Variants in YJU2B observed in about 807,000 individuals in gnomAD.
YJU2B encodes the protein YJU2 splicing factor homolog B, also known as probable splicing factor YJU2B.
In YJU2B, 18 loss-of-function variants were observed where a neutral mutation model predicts 38.0. That is an observed-to-expected ratio of 0.47 (90% CI 0.33 to 0.70). The LOEUF (loss-of-function observed/expected upper bound fraction) is 0.70, where lower values mean the gene tolerates loss of function less well. Among genes scored for constraint, YJU2B ranks in the 30% least tolerant of loss-of-function variants. The pLI is 0.02. For missense variants in YJU2B, 538 were observed against 556.3 expected (o/e 0.97, Z 0.33); for synonymous variants, 246 against 225.4 (o/e 1.09, Z -0.82).
chr19:13,748,125 C>T (rs942133601), intron 1 of YJU2B, among the ~76,000 whole-genome samples, 171 bp downstream of exon 1: 1 of 152,160 alleles, frequency 6.6e-6, no homozygotes, highest in African/African-American at 2.4e-5. Flanking sequence ...GTCCCTGAGG[C>T]CCCAGCTGAG....
intron 2 of YJU2B, among the ~76,000 whole-genome samples, chr19:13,735,040 G>A (rs1317445648): frequency 6.6e-6 from 1 of 152,194 alleles, no homozygotes; most frequent in African/African-American, 2.4e-5. Flanking sequence ...ATCTTAGCAG[G>A]GCACAGCGGC....
upstream of YJU2B, among the ~76,000 whole-genome samples, chr19:13,745,482 G>A (rs113556838): frequency 3.9e-3 from 598 of 152,012 alleles, 6 homozygotes; most frequent in African/African-American, 0.014. Flanking sequence ...GGCCAACGTG[G>A]AGAAACCCCG....
Position 13,751,708 on chromosome 19 carries a change from C to T in YJU2B, c.-101C>T. On this transcript the variant is annotated 5_prime_UTR_variant, in exon 2 of 10. Transcript: ENST00000221554. ...ATCTTCGCAGGGAAGCCTGTGGACCCTCTGCCAGGCTCCACAAGAGGTCAG... is the reference window on the plus strand; with the variant it reads ...ATCTTCGCAGGGAAGCCTGTGGACCTTCTGCCAGGCTCCACAAGAGGTCAG... 1 of 1,310,860 alleles carries T rather than the reference C, an allele frequency of 7.6e-7. No homozygotes were observed. The highest frequency in any genetic ancestry group is 1.2e-5 in the South Asian group (1 of 83,816). 81.2% of individuals were successfully genotyped at this position (1,310,860 alleles called of 1,614,324 possible). A position where few individuals can be genotyped will look rare whatever the true frequency, so the allele number is the denominator to read the frequency against.
At chr19:13,738,981 T>G (rs965647622) in intron 2 of YJU2B, among the ~76,000 whole-genome samples, 5 of 151,056 alleles carry the variant, frequency 3.3e-5, no homozygotes, top group African/African-American at 9.8e-5. Context: ...GGAGAATTGG[T>G]TGAACCCGGG....
At chr19:13,746,329 T>C (rs1973250102), upstream of YJU2B, among the ~76,000 whole-genome samples, 1 of 152,130 alleles carries the variant, frequency 6.6e-6, no homozygotes, top group Non-Finnish European at 1.5e-5. Flanking sequence ...CTAAGAGAAG[T>C]ATCCACCCAC....
chr19:13,751,802 T>G lies in YJU2B; in HGVS notation c.-7T>G, dbSNP rs2145133311. ...CCGAGGCTGAGGACCAGTAGGCAGCTCCCAAGATGGTGAGTAGACAGCCTC... is the reference window on the plus strand; with the variant it reads ...CCGAGGCTGAGGACCAGTAGGCAGCGCCCAAGATGGTGAGTAGACAGCCTC... On this transcript the variant is annotated 5_prime_UTR_variant, in exon 2 of 10. Transcript: ENST00000221554. 6.2e-7 allele frequency: 1 copy of G among 1,614,124 alleles called. No homozygotes were observed. Among genetic ancestry groups the G allele is most frequent in the South Asian group, 1.1e-5 (1 of 91,084 alleles).
chr19:13,744,885 C>T (rs551665732), upstream of YJU2B, among the ~76,000 whole-genome samples: 885 of 151,616 alleles, frequency 5.8e-3, 6 homozygotes, highest in Middle Eastern at 0.045. Context: ...CCCAGTTACT[C>T]GGGAGGCTGA....
chr19:13,757,529 T>C, intron 5 of YJU2B, 56 bp downstream of exon 5: 1 of 1,249,154 alleles, frequency 8.0e-7, no homozygotes, highest in Non-Finnish European at 1.2e-6. Flanking sequence ...CCCTAACTGC[T>C]GGATGCCGCC....
At chr19:13,736,420 G>C (rs146715389) in intron 2 of YJU2B, among the ~76,000 whole-genome samples, 3 of 151,464 alleles carry the variant, frequency 2.0e-5, no homozygotes, top group African/African-American at 7.3e-5. Flanking sequence ...CACTAAGCCC[G>C]GCTAATTTTT....
chr19:13,762,266 C>T lies in YJU2B; in HGVS notation c.574-33C>T, dbSNP rs745638873. ...ACAGAAGAGACAGGGCTTTGACACC[C>T]CCTATCTCTGGTGTTCTTGGCCCTC... On this transcript the variant is annotated intron_variant, in intron 8 of 9. Coordinates refer to ENST00000221554, the MANE Select transcript of YJU2B (RefSeq NM_030818.4). 9 of 1,609,742 alleles carry T rather than the reference C, an allele frequency of 5.6e-6. 1 individual carries two copies. In the South Asian group the frequency reaches 7.7e-5, roughly 14 times the overall value.
intron 2 of YJU2B, among the ~76,000 whole-genome samples, chr19:13,735,671 A>T (rs1355358635): frequency 1.3e-5 from 2 of 152,140 alleles, no homozygotes; most frequent in African/African-American, 4.8e-5. Context: ...TGGTTAACAC[A>T]GCAGTGGCAG....
intron 5 of YJU2B, 32 bp from the exon 6 acceptor site, chr19:13,757,753 TG>T (rs1435337163): frequency 4.3e-6 from 7 of 1,611,040 alleles, no homozygotes; most frequent in Non-Finnish European, 5.9e-6. Context: ...CAGATGGCAA[TG>T]AAATTACCAC....
chr19:13,759,396 C>A, intron 8 of YJU2B, 124 bp downstream of exon 8: 1 of 712,054 alleles, frequency 1.4e-6, no homozygotes, highest in Non-Finnish European at 2.3e-6. Context: ...TCAGTTTCCC[C>A]ATCTGCTACA....
upstream of YJU2B, among the ~76,000 whole-genome samples, chr19:13,745,698 T>TAGAG (rs368183752): frequency 3.2e-5 from 4 of 126,896 alleles, no homozygotes; most frequent in African/African-American, 1.2e-4. Flanking sequence ...TAGATATAGA[T>TAGAG]ATATAGATAT....
chr19:13,747,784 C>T (rs410359), upstream of YJU2B: 92,082 of 152,282 alleles, frequency 0.6, 28,064 homozygotes, highest in Middle Eastern at 0.72. Flanking sequence ...TTGGCCCACT[C>T]CGGCGTCGCA....
rs1380490664 is a variant in YJU2B at position 13,753,229 on chromosome 19, GGT to G, written c.4-1059_4-1058del. ...CCTGCCCCCTGAGGCTGCACAAGTAGGTTTCCTGGAGGGAGCCTGTGTATTAG... is the reference window on the plus strand; with the variant it reads ...CCTGCCCCCTGAGGCTGCACAAGTAGTTCCTGGAGGGAGCCTGTGTATTAG... On this transcript the variant is annotated intron_variant, in intron 2 of 9. Transcript: ENST00000221554. Among the ~76,000 whole-genome samples, 3 of 152,184 alleles carry G rather than the reference GGT, an allele frequency of 2.0e-5. No individual in the cohort carries two copies. In the East Asian group the frequency reaches 5.8e-4, roughly 29 times the overall value.
intron 3 of YJU2B, among the ~76,000 whole-genome samples, chr19:13,755,964 A>C (rs75360490): frequency 0.068 from 10,314 of 152,158 alleles, 1,156 homozygotes; most frequent in African/African-American, 0.24. Flanking sequence ...ATCTCAAAAA[A>C]TAAATAAATA....
chr19:13,742,194 ATCAT>A (rs1478034604), intron 2 of YJU2B, among the ~76,000 whole-genome samples: 7 of 151,546 alleles, frequency 4.6e-5, no homozygotes, highest in Non-Finnish European at 8.8e-5. Context: ...TCCCCTGAAC[ATCAT>A]TCATTTCCCC....
chr19:13,737,483 G>A (rs1334561307), intron 2 of YJU2B, among the ~76,000 whole-genome samples: 2 of 150,926 alleles, frequency 1.3e-5, no homozygotes, highest in Admixed American at 6.7e-5. Context: ...AACAACTGCA[G>A]AGTACATAGA....
Sources: allele counts gnomAD v4.1 joint callset (sites outside exome capture counted in the v4.1 genomes callset), GRCh38; gene constraint gnomAD v4.1.1; transcripts MANE v1.5; gene names NCBI Gene and HGNC (gene_info 2026-07-23, HGNC 2026-07-21).